PCDH15: variants seen among roughly 807,000 people sequenced by gnomAD.
PCDH15 encodes the protein protocadherin-15.
PCDH15 carries 129 observed loss-of-function variants against 178.5 expected under a neutral mutation model. The observed-to-expected ratio is 0.72, with a 90% CI of 0.63 to 0.84. The LOEUF (loss-of-function observed/expected upper bound fraction) is 0.84. Among genes scored for constraint, PCDH15 ranks in the 40% least tolerant of loss-of-function variants. PCDH15 has a pLI of 0.00. For synonymous variants in PCDH15, 800 were observed against 732.0 expected (o/e 1.09, Z -1.50); for missense variants, 2,230 against 2,099.9 (o/e 1.06, Z -1.21).
At chr10:55,478,761 G>C (rs978734571) in intron 2 of PCDH15, among the ~76,000 whole-genome samples, 4 of 150,492 alleles carry the variant, frequency 2.7e-5, no homozygotes, top group Non-Finnish European at 4.5e-5. Flanking sequence ...TAAGAAAAAA[G>C]AGACAAGACT....
intron 3 of PCDH15, among the ~76,000 whole-genome samples, chr10:54,465,302 T>G (rs1285472690): frequency 6.6e-6 from 1 of 152,080 alleles, no homozygotes; most frequent in African/African-American, 2.4e-5. Flanking sequence ...TACAGTACAT[T>G]GTTGTTTAGT....
At chr10:54,722,677 TA>T (rs972914546) in intron 1 of PCDH15, among the ~76,000 whole-genome samples, 4 of 151,670 alleles carry the variant, frequency 2.6e-5, no homozygotes, top group African/African-American at 9.7e-5. Context: ...CTCCACTTGA[TA>T]AATGACTTCA....
At position 54,646,114 on chromosome 10, in the gene PCDH15, A is replaced by G. The variant is rs2094125644; in HGVS notation, c.91+18058T>C. 3.9e-5 allele frequency among the ~76,000 whole-genome samples: 6 copies of G among 152,132 alleles called. No individual in the cohort carries two copies. In the South Asian group the frequency reaches 1.2e-3, roughly 31 times the overall value. The stretch of plus-strand genomic sequence containing the variant: ...CTCTGTTTCTCTTTTCTTTGTTTAT[A>G]TGAAACTATAAGATTTGAATCATAG... On this transcript the variant is annotated intron_variant, in intron 2 of 37. Coordinates refer to ENST00000644397, the MANE Select transcript of PCDH15 (RefSeq NM_001384140.1).
In PCDH15 at chr10:54,298,871, C is replaced by T. The variant is rs146285028; in HGVS notation, c.876+18400G>A. On this transcript the variant is annotated intron_variant, in intron 8 of 37. Coordinates refer to ENST00000644397, the MANE Select transcript of PCDH15 (RefSeq NM_001384140.1). The stretch of plus-strand genomic sequence containing the variant: ...AGCCTGTAACCAGGTATTTCTCCCA[C>T]CTCCTCTGTTGTAATTGGAAGACTT... Among the ~76,000 whole-genome samples the T allele has an allele frequency of 5.1e-3, 772 of 152,360 alleles. 5 individuals are homozygous for T. Among genetic ancestry groups the T allele is most frequent in the Non-Finnish European group, 8.9e-3 (606 of 68,036 alleles).
intron 2 of PCDH15, among the ~76,000 whole-genome samples, chr10:54,567,765 A>C (rs578003395): frequency 6.6e-6 from 1 of 152,242 alleles, no homozygotes; most frequent in East Asian, 1.9e-4. Context: ...GTGATAATAA[A>C]ATCAAAATAG....
At chr10:55,397,126 G>C (rs568233142) in intron 2 of PCDH15, among the ~76,000 whole-genome samples, 10 of 152,264 alleles carry the variant, frequency 6.6e-5, no homozygotes, top group African/African-American at 2.4e-4. Flanking sequence ...AGAACTAGAT[G>C]TAATAGCTAC....
intron 2 of PCDH15, among the ~76,000 whole-genome samples, chr10:55,490,045 A>C (rs908498808): frequency 6.6e-6 from 1 of 151,790 alleles, no homozygotes; most frequent in Non-Finnish European, 1.5e-5. Context: ...AACAGAAAAA[A>C]AAATTTGAAA....
chr10:54,959,561 T>A (rs962735616), intron 2 of PCDH15, among the ~76,000 whole-genome samples: 2 of 152,054 alleles, frequency 1.3e-5, no homozygotes, highest in African/African-American at 2.4e-5. Flanking sequence ...TTATGATCAT[T>A]TTCTTAGGCA....
intron 35 of PCDH15, among the ~76,000 whole-genome samples, chr10:53,815,556 A>G (rs144490760): frequency 5.2e-4 from 79 of 152,310 alleles, no homozygotes; most frequent in Non-Finnish European, 9.4e-4. Context: ...TTTGGAGAGT[A>G]GATTCTAACC....
chr10:55,477,174 C>A (rs1840079197), intron 2 of PCDH15, among the ~76,000 whole-genome samples: 1 of 151,840 alleles, frequency 6.6e-6, no homozygotes, highest in Non-Finnish European at 1.5e-5. Flanking sequence ...ATATAATCAT[C>A]ATTCATTTTT....
At chr10:53,948,860 T>C (rs2086786341) in intron 23 of PCDH15, among the ~76,000 whole-genome samples, 1 of 152,202 alleles carries the variant, frequency 6.6e-6, no homozygotes, top group Admixed American at 6.5e-5. Flanking sequence ...TAGGACTCCA[T>C]TTAGTATGCT....
At chr10:54,562,910 GTC>G (rs1474391184) in intron 2 of PCDH15, among the ~76,000 whole-genome samples, 1 of 152,026 alleles carries the variant, frequency 6.6e-6, no homozygotes, top group Non-Finnish European at 1.5e-5. Context: ...TACATGAACT[GTC>G]TCTATGAATT....
At chr10:54,606,759 C>G (rs746487095) in intron 2 of PCDH15, 1 of 152,034 alleles carries the variant, frequency 6.6e-6, no homozygotes, top group Non-Finnish European at 1.5e-5. Context: ...TCAAGCTACA[C>G]TTGTTTGGAA....
chr10:54,436,142 AAAGAAAGGAAGG>A (rs1160435369), intron 3 of PCDH15, among the ~76,000 whole-genome samples: 21 of 144,322 alleles, frequency 1.5e-4, no homozygotes, highest in Admixed American at 1.2e-3. Context: ...AAAAAGAAAG[AAAGAAAGGAAGG>A]AAGAAAGGAA....
At chr10:54,585,767 G>T (rs1354315140) in intron 2 of PCDH15, among the ~76,000 whole-genome samples, 1 of 152,116 alleles carries the variant, frequency 6.6e-6, no homozygotes, top group Non-Finnish European at 1.5e-5. Context: ...CCAGAGGCAA[G>T]CTCTTGCTTT....
At chr10:54,128,694 C>T (rs1032269148) in intron 15 of PCDH15, among the ~76,000 whole-genome samples, 12 of 152,096 alleles carry the variant, frequency 7.9e-5, no homozygotes, top group African/African-American at 2.9e-4. Flanking sequence ...TACTCAGAAT[C>T]AGGAACTTTT....
chr10:55,528,507 G>A (rs1198414983), intron 2 of PCDH15, among the ~76,000 whole-genome samples: 1 of 152,042 alleles, frequency 6.6e-6, no homozygotes, highest in African/African-American at 2.4e-5. Context: ...ATAGTTTGCT[G>A]AGAATGATGG....
intron 2 of PCDH15, among the ~76,000 whole-genome samples, chr10:55,443,365 G>C (rs1163457029): frequency 1.3e-5 from 2 of 152,002 alleles, no homozygotes; most frequent in African/African-American, 2.4e-5. Flanking sequence ...TACAGAATGG[G>C]AGAAAATTTT....
At chr10:55,154,521 A>T (rs578091598) in intron 2 of PCDH15, among the ~76,000 whole-genome samples, 4 of 152,278 alleles carry the variant, frequency 2.6e-5, no homozygotes, top group African/African-American at 9.6e-5. Context: ...TATGCTTAGT[A>T]CTTGGTTAAC....
Sources: allele counts gnomAD v4.1 joint callset (sites outside exome capture counted in the v4.1 genomes callset), GRCh38; gene constraint gnomAD v4.1.1; transcripts MANE v1.5; gene names NCBI Gene and HGNC (gene_info 2026-07-23, HGNC 2026-07-21).